The following MAGI2 variants were observed in gnomAD, a reference collection of about 807,000 sequenced individuals.
MAGI2 encodes the protein membrane-associated guanylate kinase, WW and PDZ domain-containing protein 2.
A neutral mutation model predicts 133.3 loss-of-function variants in MAGI2; 35 were observed. That is an observed-to-expected ratio of 0.26 (90% CI 0.20 to 0.35). The LOEUF (loss-of-function observed/expected upper bound fraction) is 0.35. Among genes scored for constraint, MAGI2 ranks in the 10% least tolerant of loss-of-function variants. The probability of loss-of-function intolerance (pLI) is 1.00; values close to 1 mark genes in which losing one functional copy is unlikely to be tolerated. For missense variants in MAGI2, 1,636 were observed against 1,863.4 expected (o/e 0.88, Z 2.25); for synonymous variants, 729 against 710.6 (o/e 1.03, Z -0.41).
chr7:78,284,642 C>G (rs1393339170), intron 9 of MAGI2, among the ~76,000 whole-genome samples: 2 of 151,984 alleles, frequency 1.3e-5, no homozygotes, highest in African/African-American at 4.8e-5. Flanking sequence ...GTTCACTGAG[C>G]TGTAAGGTAG....
intron 1 of MAGI2, among the ~76,000 whole-genome samples, chr7:79,043,741 A>G (rs1811906116): frequency 6.6e-6 from 1 of 152,064 alleles, no homozygotes; most frequent in African/African-American, 2.4e-5. Flanking sequence ...AGAAAGACAA[A>G]ATAACCCCTC....
At chr7:78,760,692 T>C (rs1326922173) in intron 2 of MAGI2, among the ~76,000 whole-genome samples, 1 of 152,174 alleles carries the variant, frequency 6.6e-6, no homozygotes, top group Non-Finnish European at 1.5e-5. Context: ...GGACACAAGT[T>C]TCCTCTTTTG....
chr7:78,421,495 A>G (rs1798792758), intron 6 of MAGI2, among the ~76,000 whole-genome samples: 2 of 152,220 alleles, frequency 1.3e-5, no homozygotes, highest in Non-Finnish European at 1.5e-5. Context: ...TTTTCGTCAC[A>G]TATAAAAAAA....
At chr7:78,827,747 A>G (rs1240896245) in intron 2 of MAGI2, among the ~76,000 whole-genome samples, 3 of 152,284 alleles carry the variant, frequency 2.0e-5, no homozygotes, top group Admixed American at 6.5e-5. Flanking sequence ...ATAAATATCC[A>G]TGTGTTTATG....
intron 21 of MAGI2, among the ~76,000 whole-genome samples, chr7:78,042,766 C>T (rs548660141): frequency 1.3e-5 from 2 of 152,290 alleles, no homozygotes; most frequent in African/African-American, 2.4e-5. Context: ...CTCTGAAGGC[C>T]TCGGACTGGA....
chr7:79,154,189 G>C (rs976127118), intron 1 of MAGI2, among the ~76,000 whole-genome samples: 3 of 152,108 alleles, frequency 2.0e-5, no homozygotes, highest in South Asian at 2.1e-4. Flanking sequence ...ATCCCAATCA[G>C]ATAAAATTTC....
intron 2 of MAGI2, among the ~76,000 whole-genome samples, chr7:78,836,053 G>A (rs921451261): frequency 2.0e-5 from 3 of 152,136 alleles, no homozygotes; most frequent in East Asian, 1.9e-4. Flanking sequence ...GGGTATTCCC[G>A]TAGAATTTTC....
intron 6 of MAGI2, among the ~76,000 whole-genome samples, chr7:78,444,803 T>G (rs1787969692): frequency 6.7e-6 from 1 of 149,838 alleles, no homozygotes; most frequent in African/African-American, 2.4e-5. Context: ...TATATATGTG[T>G]GTACATACAA....
At chr7:79,025,169 A>G (rs1277536657) in intron 1 of MAGI2, among the ~76,000 whole-genome samples, 1 of 96,988 alleles carries the variant, frequency 1.0e-5, no homozygotes, top group South Asian at 3.4e-4. Context: ...AATACCATGC[A>G]GCCATAAAAA....
At chr7:78,985,588 A>G (rs1356094663) in intron 2 of MAGI2, among the ~76,000 whole-genome samples, 1 of 152,012 alleles carries the variant, frequency 6.6e-6, no homozygotes, top group East Asian at 1.9e-4. Flanking sequence ...AGGCAGTAAA[A>G]TAGTCCTTTT....
intron 1 of MAGI2, chr7:79,412,321 T>A (rs908043050): frequency 3.9e-5 from 6 of 152,264 alleles, no homozygotes; most frequent in Middle Eastern, 3.4e-3. Flanking sequence ...AATATATAAG[T>A]ATTTAAAATT....
intron 2 of MAGI2, among the ~76,000 whole-genome samples, chr7:78,798,942 G>A (rs952450773): frequency 2.0e-5 from 3 of 152,112 alleles, no homozygotes; most frequent in Non-Finnish European, 2.9e-5. Context: ...TTACTACCTT[G>A]CAAGAAGATC....
chr7:78,455,691 C>T (rs1255921296), intron 6 of MAGI2, among the ~76,000 whole-genome samples: 2 of 152,072 alleles, frequency 1.3e-5, no homozygotes, highest in South Asian at 4.2e-4. Context: ...ATAATATAGT[C>T]GCTATACCAA....
chr7:78,059,550 C>A (rs1223885633), intron 21 of MAGI2, among the ~76,000 whole-genome samples: 3 of 152,142 alleles, frequency 2.0e-5, no homozygotes, highest in Non-Finnish European at 4.4e-5. Context: ...TTGTAGAGCC[C>A]TTTGCTCTCC....
intron 2 of MAGI2, among the ~76,000 whole-genome samples, chr7:78,772,677 A>G (rs1825685997): frequency 6.6e-6 from 1 of 152,208 alleles, no homozygotes; most frequent in South Asian, 2.1e-4. Flanking sequence ...TGTATTTGCA[A>G]AGCTTTACCT....
At chr7:78,586,035 G>A (rs1197681769) in intron 3 of MAGI2, among the ~76,000 whole-genome samples, 1 of 152,150 alleles carries the variant, frequency 6.6e-6, no homozygotes, top group Non-Finnish European at 1.5e-5. Context: ...TATACTGGCT[G>A]TATTACCTGC....
intron 1 of MAGI2, among the ~76,000 whole-genome samples, chr7:79,329,756 T>C (rs534948654): frequency 6.6e-6 from 1 of 152,316 alleles, no homozygotes; most frequent in African/African-American, 2.4e-5. Context: ...TATCACGTTA[T>C]TGTGGAGATT....
intron 2 of MAGI2, among the ~76,000 whole-genome samples, chr7:78,967,971 C>G (rs1454556055): frequency 5.9e-5 from 9 of 152,088 alleles, no homozygotes; most frequent in Non-Finnish European, 1.0e-4. Context: ...GCTGGGATTA[C>G]AGGCATGCAC....
At chr7:79,312,380 T>G (rs1743688753) in intron 1 of MAGI2, among the ~76,000 whole-genome samples, 2 of 152,142 alleles carry the variant, frequency 1.3e-5, no homozygotes, top group Non-Finnish European at 1.5e-5. Context: ...TCCCCAATCA[T>G]GATCTTTGCT....
Sources: gnomAD v4.1 joint callset for allele counts (sites outside exome capture counted in the v4.1 genomes callset) on GRCh38, gnomAD v4.1.1 for gene constraint, MANE v1.5 for transcripts, NCBI Gene and HGNC (gene_info 2026-07-23, HGNC 2026-07-21) for gene names.